Variants in ERCC1 observed in about 807,000 individuals in gnomAD.
ERCC1 encodes ERCC excision repair 1, endonuclease non-catalytic subunit.
In ERCC1, 36 loss-of-function variants were observed where a neutral mutation model predicts 37.6. The ratio of observed to expected loss-of-function variants is 0.96; its 90% CI spans 0.73 to 1.26. ERCC1 has a LOEUF of 1.26. Ranked by LOEUF, ERCC1 falls within the 50% of genes most tolerant of loss-of-function variation. The pLI is 0.00. For missense variants in ERCC1, 349 were observed against 376.5 expected, an observed-to-expected ratio of 0.93 and a Z score of 0.60; for synonymous variants, 156 against 162.1, an observed-to-expected ratio of 0.96 and a Z score of 0.28.
In ERCC1 at chr19:45,408,744, A is replaced by C. The variant is rs735482; in HGVS notation, c.*931T>G. On this transcript the variant is annotated 3_prime_UTR_variant, in exon 10 of 10. Coordinates refer to ENST00000300853, the MANE Select transcript of ERCC1 (RefSeq NM_001983.4). ...AAGAAGAGGAAGAAGCCCAAAGGGAAAGAAACCTTCGAGCCAGAAGACAAG... is the reference window on the plus strand; with the variant it reads ...AAGAAGAGGAAGAAGCCCAAAGGGACAGAAACCTTCGAGCCAGAAGACAAG... 270,785 of 1,613,634 alleles carry C rather than the reference A, an allele frequency of 0.17. 26,721 individuals carry two copies. Among genetic ancestry groups the C allele is most frequent in the East Asian group, 0.46 (20,594 of 44,842 alleles).
intron 1 of ERCC1, among the ~76,000 whole-genome samples, chr19:45,446,189 C>T (rs542919481): frequency 1.3e-5 from 2 of 152,236 alleles, no homozygotes; most frequent in South Asian, 2.1e-4. Flanking sequence ...CGTGAGCCAC[C>T]GCGCCTGGCT....
chr19:45,414,120 GT>G, intron 7 of ERCC1, 86 bp from the exon 8 acceptor site: 2 of 1,057,476 alleles, frequency 1.9e-6, no homozygotes, highest in Non-Finnish European at 2.9e-6. Context: ...TCACAGCTGT[GT>G]CCCCAGACTG....
At chr19:45,415,565 G>A (rs962610393) in intron 6 of ERCC1, among the ~76,000 whole-genome samples, 1 of 150,904 alleles carries the variant, frequency 6.6e-6, no homozygotes, top group Non-Finnish European at 1.5e-5. Flanking sequence ...GAACCCGGGA[G>A]GTGGAGTTTG....
At chr19:45,446,996 T>TA (rs35144251) in intron 1 of ERCC1, among the ~76,000 whole-genome samples, 4 of 150,516 alleles carry the variant, frequency 2.7e-5, no homozygotes, top group Non-Finnish European at 4.4e-5. Context: ...AGACTCTGTC[T>TA]AAAAAAAAAG....
At chr19:45,417,909 C>A (rs1171861498) in intron 5 of ERCC1, among the ~76,000 whole-genome samples, 1 of 152,004 alleles carries the variant, frequency 6.6e-6, no homozygotes, top group African/African-American at 2.4e-5. Flanking sequence ...CCAGACTAGT[C>A]TCGAACTCTT....
chr19:45,451,102 T>A (rs1967108488), intron 1 of ERCC1, among the ~76,000 whole-genome samples: 1 of 150,950 alleles, frequency 6.6e-6, no homozygotes. Context: ...GAGAACCGGG[T>A]TCCCAAATTA....
intron 1 of ERCC1, among the ~76,000 whole-genome samples, chr19:45,443,321 G>T (rs767851721): frequency 2.6e-5 from 4 of 152,164 alleles, no homozygotes; most frequent in Non-Finnish European, 5.9e-5. Flanking sequence ...CACAGCCGGC[G>T]CTCCATACAT....
At chr19:45,444,014 A>T (rs1246795217) in intron 1 of ERCC1, among the ~76,000 whole-genome samples, 2 of 138,676 alleles carry the variant, frequency 1.4e-5, no homozygotes, top group Non-Finnish European at 3.1e-5. Flanking sequence ...ACTCATCCAT[A>T]CCGGGCCCCT....
chr19:45,434,156 A>ACACAC lies in ERCC1; in HGVS notation c.-7-10776_-7-10775insGTGTG, dbSNP rs548145676. ...GAATGTCTCACACACACACACACACAAAAAAAAAAAAAAAAAAAAAGAGGA... is the reference window on the plus strand; with the variant it reads ...GAATGTCTCACACACACACACACACACACACAAAAAAAAAAAAAAAAAAAAGAGGA... On this transcript the variant is annotated intron_variant, in intron 1 of 8. Coordinates refer to the ERCC1 transcript ENST00000423698. Among the ~76,000 whole-genome samples the ACACAC allele has an allele frequency of 1.7e-4, 16 of 95,706 alleles. 1 individual carries two copies. The highest frequency in any genetic ancestry group is 4.5e-4 in the Admixed American group (4 of 8,870). The allele number at this position is 95,706 out of a possible 152,430, so 62.8% of individuals were successfully genotyped here. A position where few individuals can be genotyped will look rare whatever the true frequency, so the allele number is the denominator to read the frequency against.
rs759634104 is a variant in ERCC1 at position 45,419,068 on chromosome 19, G to A, written c.525+30C>T. ...CCACTGCACAACCTCAAAGCCCGGTGAGGCTGGCTAGGGAGCAGCCCCTGC... is the reference window on the plus strand; with the variant it reads ...CCACTGCACAACCTCAAAGCCCGGTAAGGCTGGCTAGGGAGCAGCCCCTGC... On this transcript the variant is annotated intron_variant, in intron 5 of 9. Coordinates refer to ENST00000300853, the MANE Select transcript of ERCC1 (RefSeq NM_001983.4). 3.4e-6 allele frequency: 5 copies of A among 1,473,856 alleles called. No homozygotes were observed. In the South Asian group the frequency reaches 3.6e-5, roughly 11 times the overall value. 91.3% of individuals were successfully genotyped at this position (1,473,856 alleles called of 1,614,324 possible).
At position 45,418,822 on chromosome 19, in the gene ERCC1, T is replaced by TCAAACAAA. The variant is rs111532874; in HGVS notation, c.525+268_525+275dup. Among the ~76,000 whole-genome samples the TCAAACAAA allele has an allele frequency of 0.018, 2,716 of 152,194 alleles. 74 individuals are homozygous for TCAAACAAA. The highest frequency in any genetic ancestry group is 0.062 in the African/African-American group (2,565 of 41,494). On this transcript the variant is annotated intron_variant, in intron 5 of 9. Transcript: ENST00000300853. ...TGGGCAACAAGAGCGAAACTCCGTC[T>TCAAACAAA]CAAACAAACAAACAAACAAACACAA...
At position 45,434,138 on chromosome 19, in the gene ERCC1, T is replaced by TCACACACACACA. The variant is rs529916289; in HGVS notation, c.-7-10769_-7-10758dup. On this transcript the variant is annotated intron_variant, in intron 1 of 8. Coordinates refer to the ERCC1 transcript ENST00000423698. The stretch of plus-strand genomic sequence containing the variant: ...CAGCCTGGCCAACAGCAAGAATGTC[T>TCACACACACACA]CACACACACACACACACAAAAAAAA... Among the ~76,000 whole-genome samples the TCACACACACACA allele has an allele frequency of 9.9e-5, 10 of 100,574 alleles. 1 individual carries two copies. Among genetic ancestry groups the TCACACACACACA allele is most frequent in the Non-Finnish European group, 1.5e-4 (8 of 54,904 alleles). The allele number at this position is 100,574 out of a possible 152,430, so 66.0% of individuals were successfully genotyped here.
In ERCC1 at chr19:45,408,682, A is replaced by T; in HGVS notation, c.*993T>A. 6.2e-7 allele frequency: 1 copy of T among 1,614,006 alleles called. No homozygotes were observed. Among genetic ancestry groups the T allele is most frequent in the Non-Finnish European group, 8.5e-7 (1 of 1,180,018 alleles). On this transcript the variant is annotated 3_prime_UTR_variant, in exon 10 of 10. Transcript: ENST00000300853. ...TGGGGACAGAGCCCACAGTGGAGACACTGGAGCCTCTGGGAGTGCTGTTCC... is the reference window on the plus strand; with the variant it reads ...TGGGGACAGAGCCCACAGTGGAGACTCTGGAGCCTCTGGGAGTGCTGTTCC...
chr19:45,430,266 T>C (rs1974801081), intron 1 of ERCC1, among the ~76,000 whole-genome samples: 1 of 152,222 alleles, frequency 6.6e-6, no homozygotes, highest in South Asian at 2.1e-4. Flanking sequence ...TTTCCCGTTA[T>C]AATAGCAAAT....
intron 6 of ERCC1, chr19:45,415,694 T>C (rs1273803102): frequency 5.0e-6 from 2 of 396,262 alleles, no homozygotes; most frequent in African/African-American, 2.3e-5. Context: ...TTCCAGCCCA[T>C]CCCCCGCCAA....
intron 1 of ERCC1, among the ~76,000 whole-genome samples, chr19:45,447,317 C>G (rs976736782): frequency 6.9e-6 from 1 of 144,954 alleles, no homozygotes; most frequent in African/African-American, 2.5e-5. Flanking sequence ...CTCTTGTCAT[C>G]CAGGCTGGAG....
At chr19:45,412,287 T>C (rs1394451488) in intron 9 of ERCC1, among the ~76,000 whole-genome samples, 7 of 152,080 alleles carry the variant, frequency 4.6e-5, no homozygotes, top group Non-Finnish European at 1.0e-4. Flanking sequence ...GCCACTCAAG[T>C]AGCTGGGATT....
At chr19:45,427,763 G>C (rs1224879220), upstream of ERCC1, among the ~76,000 whole-genome samples, 1 of 152,138 alleles carries the variant, frequency 6.6e-6, no homozygotes, top group African/African-American at 2.4e-5. Flanking sequence ...CAACTCCTGC[G>C]TTTTCTGCAA....
chr19:45,419,380 T>C (rs545031330), intron 4 of ERCC1, 183 bp from the exon 5 acceptor site: 3 of 606,034 alleles, frequency 5.0e-6, no homozygotes, highest in Non-Finnish European at 9.0e-6. Flanking sequence ...TCCGCAGGGA[T>C]TGGCAGCCAG....
Sources: allele counts gnomAD v4.1 joint callset (sites outside exome capture counted in the v4.1 genomes callset), GRCh38; gene constraint gnomAD v4.1.1; transcripts MANE v1.5; gene names NCBI Gene and HGNC (gene_info 2026-07-23, HGNC 2026-07-21).